CAMK4: variants seen among roughly 807,000 people sequenced by gnomAD.
CAMK4 encodes the protein calcium/calmodulin dependent protein kinase IV, also known as calcium/calmodulin-dependent protein kinase type IV.
Under a neutral mutation model 44.9 loss-of-function variants are expected in CAMK4, and 22 were observed. The ratio of observed to expected loss-of-function variants is 0.49; its 90% confidence interval spans 0.35 to 0.70. The LOEUF (loss-of-function observed/expected upper bound fraction) is 0.70. CAMK4 is among the 30% of genes least tolerant of loss of function. The pLI is 0.01. For synonymous variants in CAMK4, 218 were observed against 215.4 expected, an observed-to-expected ratio of 1.01 and a Z score of -0.11; for missense variants, 498 against 586.8, an observed-to-expected ratio of 0.85 and a Z score of 1.56.
At chr5:111,278,920 TA>T (rs1750884775) in intron 1 of CAMK4, among the ~76,000 whole-genome samples, 1 of 152,158 alleles carries the variant, frequency 6.6e-6, no homozygotes, top group South Asian at 2.1e-4. Context: ...GAAAGGATTG[TA>T]AAATGCCTTA....
At chr5:111,356,539 T>C (rs1750364417) in intron 2 of CAMK4, among the ~76,000 whole-genome samples, 1 of 152,282 alleles carries the variant, frequency 6.6e-6, no homozygotes, top group Admixed American at 6.5e-5. Context: ...TGGCTTTTGT[T>C]ACCATTGCTT....
chr5:111,257,425 G>A (rs1056138264), intron 1 of CAMK4, among the ~76,000 whole-genome samples: 1 of 152,226 alleles, frequency 6.6e-6, no homozygotes, highest in African/African-American at 2.4e-5. Context: ...TTAGATAAAT[G>A]CAGTTCAAGA....
At chr5:111,364,217 A>G (rs1750704602) in intron 2 of CAMK4, among the ~76,000 whole-genome samples, 1 of 151,982 alleles carries the variant, frequency 6.6e-6, no homozygotes. Context: ...AATCAGGATC[A>G]TGCTCGTGTG....
intron 2 of CAMK4, chr5:111,364,866 G>A (rs1328268162): frequency 6.6e-6 from 1 of 152,050 alleles, no homozygotes; most frequent in Non-Finnish European, 1.5e-5. Flanking sequence ...GAACAAGGTT[G>A]GCTTCATGTT....
chr5:111,236,551 C>G (rs1488459975), intron 1 of CAMK4, among the ~76,000 whole-genome samples: 1 of 152,220 alleles, frequency 6.6e-6, no homozygotes, highest in Non-Finnish European at 1.5e-5. Flanking sequence ...AGCACTCATG[C>G]TCTTTTGCTC....
At chr5:111,417,469 G>A (rs1304492238) in intron 5 of CAMK4, among the ~76,000 whole-genome samples, 1 of 151,910 alleles carries the variant, frequency 6.6e-6, no homozygotes, top group African/African-American at 2.4e-5. Context: ...ACCCGTCTTG[G>A]CCTCCCAAAG....
At chr5:111,339,879 T>C (rs1413978848) in intron 1 of CAMK4, among the ~76,000 whole-genome samples, 1 of 151,386 alleles carries the variant, frequency 6.6e-6, no homozygotes. Context: ...TTTCATTTTT[T>C]TGTGGTTTCT....
chr5:111,263,223 G>A (rs547575576), intron 1 of CAMK4, among the ~76,000 whole-genome samples: 47 of 152,242 alleles, frequency 3.1e-4, no homozygotes, highest in African/African-American at 1.1e-3. Context: ...TACCTATTAT[G>A]TGAAATATAT....
chr5:111,369,973 G>A (rs1370439680), intron 2 of CAMK4, among the ~76,000 whole-genome samples: 2 of 152,116 alleles, frequency 1.3e-5, no homozygotes, highest in South Asian at 2.1e-4. Flanking sequence ...AGATATGGAG[G>A]GCTGACTGTA....
rs1463768459 is a variant in CAMK4, at chr5:111,487,175, A to C, written c.*2709A>C. The stretch of plus-strand genomic sequence containing the variant: ...ATTTCACAAAATACTTCATAACATC[A>C]CTCCTAATTGGCAATATAGTCACAA... On this transcript the variant is annotated 3_prime_UTR_variant, in exon 11 of 11. Coordinates refer to ENST00000282356, the MANE Select transcript of CAMK4 (RefSeq NM_001744.6). 6.6e-6 allele frequency: 1 copy of C among 152,154 alleles called. No homozygotes were observed. The highest frequency in any genetic ancestry group is 2.4e-5 in the African/African-American group (1 of 41,430). 9.4% of individuals were successfully genotyped at this position (152,154 alleles called of 1,614,324 possible). A position where few individuals can be genotyped will look rare whatever the true frequency, so the allele number is the denominator to read the frequency against.
chr5:111,352,115 A>G (rs1017881198), intron 2 of CAMK4, among the ~76,000 whole-genome samples: 1 of 152,128 alleles, frequency 6.6e-6, no homozygotes, highest in Non-Finnish European at 1.5e-5. Context: ...TTGGGGATTT[A>G]GGCTTCAATG....
chr5:111,395,228 GAAA>G (rs758613011), intron 5 of CAMK4, among the ~76,000 whole-genome samples: 1 of 114,894 alleles, frequency 8.7e-6, no homozygotes, highest in African/African-American at 3.3e-5. Flanking sequence ...AAAAAAAAAA[GAAA>G]AAAAAAAAGA....
intron 5 of CAMK4, among the ~76,000 whole-genome samples, chr5:111,438,832 G>T (rs1753732851): frequency 6.6e-6 from 1 of 152,118 alleles, no homozygotes; most frequent in South Asian, 2.1e-4. Context: ...ATTTTGTTTG[G>T]CCTGTGCAGG....
At chr5:111,451,519 C>T (rs1754236410) in intron 7 of CAMK4, among the ~76,000 whole-genome samples, 1 of 152,046 alleles carries the variant, frequency 6.6e-6, no homozygotes, top group Admixed American at 6.5e-5. Flanking sequence ...AACTCCAGGC[C>T]TGAAGTGATC....
intron 2 of CAMK4, among the ~76,000 whole-genome samples, chr5:111,356,652 C>A (rs1580644185): frequency 6.6e-6 from 1 of 152,266 alleles, no homozygotes; most frequent in African/African-American, 2.4e-5. Flanking sequence ...ACATGTAAGT[C>A]TTTTATCCAT....
intron 1 of CAMK4, chr5:111,266,138 A>G (rs891179643): frequency 6.6e-6 from 1 of 152,022 alleles, no homozygotes; most frequent in African/African-American, 2.4e-5. Flanking sequence ...CAGCCTAGAT[A>G]GGACAGAATA....
chr5:111,411,123 G>T (rs532224526), intron 5 of CAMK4, among the ~76,000 whole-genome samples: 1 of 152,244 alleles, frequency 6.6e-6, no homozygotes, highest in South Asian at 2.1e-4. Flanking sequence ...AAAAGGTAAA[G>T]ATGGATCCTA....
At position 111,281,499 on chromosome 5, in the gene CAMK4, C is replaced by T. The variant is rs540543785; in HGVS notation, c.161+56855C>T. 2.0e-5 allele frequency among the ~76,000 whole-genome samples: 3 copies of T among 152,270 alleles called. No individual in the cohort carries two copies. In the South Asian group the frequency reaches 6.2e-4, roughly 32 times the overall value. ...TTTCCATGCTGAATTGTAAAGCACA[C>T]ATATCATTCCTCTCTCTCTAGAAGG... On this transcript the variant is annotated intron_variant, in intron 1 of 10. Transcript: ENST00000282356.
At chr5:111,311,244 C>G (rs983700203) in intron 1 of CAMK4, among the ~76,000 whole-genome samples, 1 of 152,164 alleles carries the variant, frequency 6.6e-6, no homozygotes. Context: ...TATAGTTCCT[C>G]TTCCTTAGAT....
Sources: allele counts gnomAD v4.1 joint callset (sites outside exome capture counted in the v4.1 genomes callset), GRCh38; gene constraint gnomAD v4.1.1; transcripts MANE v1.5; gene names NCBI Gene and HGNC (gene_info 2026-07-23, HGNC 2026-07-21).